Variants in FAM135A observed in about 807,000 individuals in gnomAD.
The protein encoded by FAM135A is protein FAM135A.
FAM135A carries 79 observed loss-of-function variants against 146.8 expected under a neutral mutation model. The observed-to-expected ratio is 0.54, with a 90% CI of 0.45 to 0.65. The LOEUF is 0.65. Among genes scored for constraint, FAM135A ranks in the 30% least tolerant of loss-of-function variants. FAM135A has a pLI of 0.00. For missense variants in FAM135A, 1,623 were observed against 1,758.2 expected, an observed-to-expected ratio of 0.92 and a Z score of 1.38; for synonymous variants, 562 against 603.6, an observed-to-expected ratio of 0.93 and a Z score of 1.01.
chr6:70,549,626 C>G lies in FAM135A; in HGVS notation c.4229-7124C>G, dbSNP rs565944521. Among the ~76,000 whole-genome samples, 21 of 152,142 alleles carry G rather than the reference C, an allele frequency of 1.4e-4. No homozygotes were observed. In the East Asian group the frequency reaches 2.3e-3, roughly 17 times the overall value. On this transcript the variant is annotated intron_variant, in intron 20 of 21. Coordinates refer to ENST00000418814, the MANE Select transcript of FAM135A (RefSeq NM_001162529.3). ...AGCATTATATCTAAAAAAAAGTATG[C>G]ATACTTTAATTTTAAAATACTTTAT...
At chr6:70,505,830 T>A (rs1789645560) in intron 12 of FAM135A, among the ~76,000 whole-genome samples, 1 of 152,162 alleles carries the variant, frequency 6.6e-6, no homozygotes, top group Non-Finnish European at 1.5e-5. Flanking sequence ...TGTTTCATTA[T>A]TTTTGCTATA....
chr6:70,486,581 T>C (rs971806992), intron 10 of FAM135A, among the ~76,000 whole-genome samples: 6 of 152,156 alleles, frequency 3.9e-5, no homozygotes, highest in African/African-American at 1.4e-4. Flanking sequence ...TCGCCTTAAA[T>C]TTGCTCAGTT....
chr6:70,535,432 C>T (rs1006240339), intron 18 of FAM135A, among the ~76,000 whole-genome samples: 2 of 152,088 alleles, frequency 1.3e-5, no homozygotes, highest in Non-Finnish European at 2.9e-5. Context: ...AGCACTGGGG[C>T]GGGTGAGCAA....
chr6:70,442,238 G>GTTTTTTTTTTTT lies in FAM135A; in HGVS notation c.78-10254_78-10253insTTTTTTTTTTTT, dbSNP rs147268217. 2.9e-5 allele frequency among the ~76,000 whole-genome samples: 4 copies of GTTTTTTTTTTTT among 136,410 alleles called. 1 individual carries two copies. Among genetic ancestry groups the GTTTTTTTTTTTT allele is most frequent in the African/African-American group, 8.4e-5 (3 of 35,532 alleles). The allele number at this position is 136,410 out of a possible 152,430, so 89.5% of individuals were successfully genotyped here. ...CATAAATATTTAAAATTTCTTCATG[G>GTTTTTTTTTTTT]GTTTTTTTTTTTTTTTTTTGCCGAG... On this transcript the variant is annotated intron_variant, in intron 4 of 21. Transcript: ENST00000418814.
intron 12 of FAM135A, among the ~76,000 whole-genome samples, chr6:70,510,426 G>A (rs546995242): frequency 3.8e-4 from 58 of 152,042 alleles, no homozygotes; most frequent in African/African-American, 1.4e-3. Context: ...AAAGGAAACC[G>A]TGTACACATT....
intron 5 of FAM135A, among the ~76,000 whole-genome samples, chr6:70,473,702 G>T (rs1782048402): frequency 6.6e-6 from 1 of 152,018 alleles, no homozygotes; most frequent in East Asian, 1.9e-4. Flanking sequence ...CCCTTATGTG[G>T]ACCTCCTCCT....
chr6:70,492,339 C>T lies in FAM135A; in HGVS notation c.873+1256C>T, dbSNP rs79890189. Among the ~76,000 whole-genome samples the T allele has an allele frequency of 1.9e-3, 281 of 151,604 alleles. 1 individual carries two copies. The highest frequency in any genetic ancestry group is 6.6e-3 in the African/African-American group (272 of 41,446). On this transcript the variant is annotated intron_variant, in intron 11 of 21. Coordinates refer to ENST00000418814, the MANE Select transcript of FAM135A (RefSeq NM_001162529.3). ...TGCTATAGCAGCAGTTCTAAGTGGA[C>T]TGAAGACTTAAGTGTCCAAAGAAAT...
chr6:70,543,901 G>T (rs2128458009), intron 20 of FAM135A, among the ~76,000 whole-genome samples: 1 of 152,188 alleles, frequency 6.6e-6, no homozygotes, highest in South Asian at 2.1e-4. Flanking sequence ...TGATCTGGTT[G>T]TACTAGTCTA....
chr6:70,528,394 AG>A lies in FAM135A; in HGVS notation c.3718del (p.Glu1240LysfsTer11). ...CCTCAGTACCTTATTTTAGTGTAGAAGAAGAGGATGGTTCTGAAGATGGAGT... is the reference window on the plus strand; with the variant it reads ...CCTCAGTACCTTATTTTAGTGTAGAAAAGAGGATGGTTCTGAAGATGGAGT... ...ASSVPYFSVE[E>X]EDGSEDGVHL... On this transcript the variant is annotated frameshift_variant, in exon 16 of 22. Transcript: ENST00000418814. LOFTEE classifies it high-confidence loss of function. The A allele has an allele frequency of 6.2e-7, 1 of 1,613,684 alleles. No homozygotes were observed. Among genetic ancestry groups the A allele is most frequent in the Non-Finnish European group, 8.5e-7 (1 of 1,179,784 alleles).
At chr6:70,486,163 C>A in intron 10 of FAM135A, 1 of 1,613,384 alleles carries the variant, frequency 6.2e-7, no homozygotes, top group Non-Finnish European at 8.5e-7. Flanking sequence ...ATCCTTATGA[C>A]TAGCCAAGGC....
At position 70,486,044 on chromosome 6, in the gene FAM135A, C is replaced by T. The variant is rs534440412; in HGVS notation, c.823+3890C>T. 8 of 602,364 alleles carry T rather than the reference C, an allele frequency of 1.3e-5. No individual in the cohort carries two copies. In the South Asian group the frequency reaches 2.6e-4, roughly 19 times the overall value. The allele number at this position is 602,364 out of a possible 1,614,324, so 37.3% of individuals were successfully genotyped here. ...GTACATCATTTGTAATTTTGATAAGCTAATTAACTAACTGCACTATCAGAT... is the reference window on the plus strand; with the variant it reads ...GTACATCATTTGTAATTTTGATAAGTTAATTAACTAACTGCACTATCAGAT... On this transcript the variant is annotated intron_variant, in intron 10 of 21. Transcript: ENST00000418814.
At chr6:70,556,198 G>A (rs1470380484) in intron 20 of FAM135A, among the ~76,000 whole-genome samples, 2 of 151,984 alleles carry the variant, frequency 1.3e-5, no homozygotes, top group African/African-American at 4.8e-5. Flanking sequence ...GCAGTGAGCC[G>A]AGATTGCACC....
chr6:70,521,970 G>T (rs1793684657), intron 12 of FAM135A, among the ~76,000 whole-genome samples: 1 of 152,096 alleles, frequency 6.6e-6, no homozygotes, highest in Non-Finnish European at 1.5e-5. Context: ...AGGCTGGAGT[G>T]CAAGGGCGCC....
intron 4 of FAM135A, among the ~76,000 whole-genome samples, chr6:70,446,572 A>T (rs2127992665): frequency 6.6e-6 from 1 of 152,352 alleles, no homozygotes; most frequent in East Asian, 1.9e-4. Context: ...GTTTACAAAA[A>T]GATTTTTGAG....
intron 21 of FAM135A, chr6:70,557,231 A>G (rs1801020566): frequency 2.9e-6 from 1 of 350,478 alleles, no homozygotes; most frequent in Admixed American, 4.5e-5. Context: ...TACTGATAGT[A>G]AATGATAAAG....
chr6:70,486,257 ATAGC>A, intron 10 of FAM135A: 1 of 1,610,844 alleles, frequency 6.2e-7, no homozygotes, highest in South Asian at 1.1e-5. Flanking sequence ...ACGTTTACAA[ATAGC>A]TTAAGTAAAT....
At chr6:70,556,726 T>C (rs1205967148) in intron 20 of FAM135A, 24 bp from the exon 21 acceptor site, 2 of 1,461,370 alleles carry the variant, frequency 1.4e-6, no homozygotes, top group Non-Finnish European at 1.9e-6. Flanking sequence ...TACTGCATTA[T>C]AATTTATTAT....
chr6:70,524,097 A>G lies in FAM135A; in HGVS notation c.1234A>G (p.Arg412Gly). ...LNSLPIIFED[R>G]YLDSVTEDLD... is the part of the protein sequence containing the mutation. ...TTCATTACCTATAATCTTTGAAGAT[A>G]GGTATTTAGATTCAGTTACTGAAGG... Residue 412 changes from arginine to glycine, a missense_variant, in exon 14 of 22, where the codon AGG becomes GGG. Physicochemically the swap from Arg to Gly is moderately radical, Grantham distance 125. Transcript: ENST00000418814. 3 of 1,611,548 alleles carry G rather than the reference A, an allele frequency of 1.9e-6. No individual in the cohort carries two copies. Among genetic ancestry groups the G allele is most frequent in the Non-Finnish European group, 2.5e-6 (3 of 1,178,442 alleles).
chr6:70,540,326 T>TC (rs1797666550), intron 20 of FAM135A, among the ~76,000 whole-genome samples: 1 of 141,142 alleles, frequency 7.1e-6, no homozygotes, highest in East Asian at 2.1e-4. Flanking sequence ...TACTTTTTTT[T>TC]TTTTTTTTTT....
Sources: gnomAD v4.1 joint callset for allele counts (sites outside exome capture counted in the v4.1 genomes callset) on GRCh38, gnomAD v4.1.1 for gene constraint, MANE v1.5 for transcripts, NCBI Gene and HGNC (gene_info 2026-07-23, HGNC 2026-07-21) for gene names.